The following GRID2 variants were observed in gnomAD, a reference collection of about 807,000 sequenced individuals.
The protein encoded by GRID2 is glutamate receptor ionotropic, delta-2.
A neutral mutation model predicts 114.8 loss-of-function variants in GRID2; 33 were observed. That is an observed-to-expected ratio of 0.29 (90% CI 0.22 to 0.38). GRID2 has a LOEUF of 0.38. Ranked by LOEUF, GRID2 falls within the 10% of genes least tolerant of loss-of-function variation. The probability of loss-of-function intolerance (pLI) is 1.00; values close to 1 mark genes in which losing one functional copy is unlikely to be tolerated. For missense variants in GRID2, 1,184 were observed against 1,257.7 expected, an observed-to-expected ratio of 0.94 and a Z score of 0.89; for synonymous variants, 505 against 449.9, an observed-to-expected ratio of 1.12 and a Z score of -1.55.
At chr4:93,675,689 T>G (rs766480754) in intron 14 of GRID2, among the ~76,000 whole-genome samples, 19 of 152,204 alleles carry the variant, frequency 1.2e-4, no homozygotes, top group Non-Finnish European at 2.6e-4. Context: ...TACTATCTCT[T>G]AAGAGCAGTG....
chr4:93,291,039 A>C (rs1349837561), intron 8 of GRID2, among the ~76,000 whole-genome samples: 1 of 151,760 alleles, frequency 6.6e-6, no homozygotes, highest in South Asian at 2.1e-4. Flanking sequence ...CACCAAGCCC[A>C]GCTAATTTTT....
At chr4:93,059,161 A>C (rs1335848554) in intron 2 of GRID2, among the ~76,000 whole-genome samples, 2 of 152,160 alleles carry the variant, frequency 1.3e-5, no homozygotes, top group African/African-American at 4.8e-5. Flanking sequence ...CTTCCATTTG[A>C]TAACATTTGA....
At chr4:93,419,951 T>C (rs1768098961) in intron 9 of GRID2, among the ~76,000 whole-genome samples, 1 of 152,128 alleles carries the variant, frequency 6.6e-6, no homozygotes, top group Non-Finnish European at 1.5e-5. Flanking sequence ...CATTTACCTA[T>C]GCAATAATTA....
At chr4:92,365,540 A>C (rs1579245205) in intron 1 of GRID2, among the ~76,000 whole-genome samples, 1 of 151,960 alleles carries the variant, frequency 6.6e-6, no homozygotes, top group East Asian at 1.9e-4. Flanking sequence ...GGTCTAAGGT[A>C]ATATGTCTCA....
chr4:93,513,175 A>G (rs1279695485), intron 12 of GRID2, among the ~76,000 whole-genome samples: 3 of 152,160 alleles, frequency 2.0e-5, no homozygotes, highest in African/African-American at 7.2e-5. Context: ...CAGGTTCTAG[A>G]TGATGCTGTG....
chr4:93,483,935 T>G (rs1477249356), intron 11 of GRID2, among the ~76,000 whole-genome samples: 3 of 146,974 alleles, frequency 2.0e-5, no homozygotes, highest in Non-Finnish European at 3.0e-5. Flanking sequence ...TGAGATTATG[T>G]TTTTTTTTTA....
chr4:92,536,287 A>G (rs1199773639), intron 1 of GRID2, among the ~76,000 whole-genome samples: 1 of 152,012 alleles, frequency 6.6e-6, no homozygotes, highest in Non-Finnish European at 1.5e-5. Flanking sequence ...TTAGCTAGAC[A>G]CAGAGTGCTG....
intron 2 of GRID2, among the ~76,000 whole-genome samples, chr4:93,064,458 A>G (rs1460914165): frequency 6.6e-6 from 1 of 151,898 alleles, no homozygotes; most frequent in African/African-American, 2.4e-5. Flanking sequence ...TTGCCAGGAC[A>G]TATACTAAAT....
intron 1 of GRID2, among the ~76,000 whole-genome samples, chr4:92,495,541 T>C (rs919804360): frequency 2.6e-5 from 4 of 151,880 alleles, no homozygotes; most frequent in African/African-American, 7.2e-5. Context: ...GAGTAGAATG[T>C]TGGAAGTTAT....
At chr4:93,199,101 T>C (rs930595177) in intron 4 of GRID2, among the ~76,000 whole-genome samples, 1 of 152,032 alleles carries the variant, frequency 6.6e-6, no homozygotes, top group South Asian at 2.1e-4. Context: ...TATGGTAAAA[T>C]AGGCAAGGGA....
At chr4:92,756,958 T>A (rs1248812383) in intron 2 of GRID2, among the ~76,000 whole-genome samples, 2 of 152,078 alleles carry the variant, frequency 1.3e-5, no homozygotes, top group Non-Finnish European at 2.9e-5. Context: ...TGGTTTAATA[T>A]AGTCCCATTT....
intron 2 of GRID2, among the ~76,000 whole-genome samples, chr4:92,654,745 G>A (rs1265008314): frequency 6.6e-6 from 1 of 150,510 alleles, no homozygotes; most frequent in African/African-American, 2.4e-5. Context: ...ATTTTCAAAT[G>A]GAATTTTAAA....
At chr4:92,355,459 ATAATT>A (rs1728273448) in intron 1 of GRID2, among the ~76,000 whole-genome samples, 1 of 151,846 alleles carries the variant, frequency 6.6e-6, no homozygotes, top group Non-Finnish European at 1.5e-5. Context: ...TACTACAACT[ATAATT>A]AAATAATTGA....
intron 2 of GRID2, among the ~76,000 whole-genome samples, chr4:93,048,640 C>A (rs1259541671): frequency 6.6e-6 from 1 of 152,090 alleles, no homozygotes; most frequent in East Asian, 1.9e-4. Context: ...TTCCTGTCCA[C>A]TTATTATAAA....
chr4:93,288,677 T>A (rs2149140667), intron 8 of GRID2, among the ~76,000 whole-genome samples: 1 of 152,352 alleles, frequency 6.6e-6, no homozygotes, highest in South Asian at 2.1e-4. Flanking sequence ...ATGGGGCTGC[T>A]AACCATACAT....
chr4:93,255,283 C>T (rs1262649863), intron 8 of GRID2, among the ~76,000 whole-genome samples: 2 of 151,918 alleles, frequency 1.3e-5, no homozygotes, highest in Non-Finnish European at 2.9e-5. Flanking sequence ...TATATAGTGC[C>T]TAAGTTTTGT....
chr4:92,644,998 A>G (rs1731540625), intron 2 of GRID2, among the ~76,000 whole-genome samples: 1 of 151,504 alleles, frequency 6.6e-6, no homozygotes, highest in South Asian at 2.1e-4. Flanking sequence ...TTTAACATAT[A>G]TTCTTATAAA....
intron 1 of GRID2, among the ~76,000 whole-genome samples, chr4:92,387,471 C>T (rs1730020334): frequency 6.6e-6 from 1 of 151,942 alleles, no homozygotes; most frequent in African/African-American, 2.4e-5. Context: ...CCAATATGCT[C>T]CTTAATGACC....
At chr4:92,610,296 C>T (rs1451924007) in intron 2 of GRID2, among the ~76,000 whole-genome samples, 2 of 151,620 alleles carry the variant, frequency 1.3e-5, no homozygotes, top group African/African-American at 4.8e-5. Flanking sequence ...GAACATGATT[C>T]TCCTGTAGAG....
Sources: gnomAD v4.1 joint callset for allele counts (sites outside exome capture counted in the v4.1 genomes callset) on GRCh38, gnomAD v4.1.1 for gene constraint, MANE v1.5 for transcripts, NCBI Gene and HGNC (gene_info 2026-07-23, HGNC 2026-07-21) for gene names.